CLSTN1: variants seen among roughly 807,000 people sequenced by gnomAD.
CLSTN1 encodes calsyntenin 1.
A neutral mutation model predicts 108.3 loss-of-function variants in CLSTN1; 28 were observed. That is an observed-to-expected ratio of 0.26 (90% CI 0.19 to 0.35). CLSTN1 has a LOEUF of 0.35. Among genes scored for constraint, CLSTN1 ranks in the 10% least tolerant of loss-of-function variants. The pLI is 1.00. For synonymous variants in CLSTN1, 524 were observed against 534.9 expected (o/e 0.98, Z 0.28); for missense variants, 1,157 against 1,302.6 (o/e 0.89, Z 1.72).
chr1:9,791,396 T>A (rs1375798170), intron 1 of CLSTN1, among the ~76,000 whole-genome samples: 1 of 151,160 alleles, frequency 6.6e-6, no homozygotes, highest in Non-Finnish European at 1.5e-5. Context: ...CATGTCCAGC[T>A]AGTTTTAAAA....
chr1:9,743,073 A>T (rs770421871), intron 9 of CLSTN1, among the ~76,000 whole-genome samples: 2 of 152,226 alleles, frequency 1.3e-5, no homozygotes, highest in Non-Finnish European at 2.9e-5. Flanking sequence ...AACATATGTC[A>T]GCTTTTGTCC....
At chr1:9,802,135 G>A (rs1420030311) in intron 1 of CLSTN1, among the ~76,000 whole-genome samples, 2 of 152,138 alleles carry the variant, frequency 1.3e-5, no homozygotes, top group East Asian at 1.9e-4. Flanking sequence ...CTAATGAGCC[G>A]CAGACTTGGG....
At chr1:9,800,940 A>AAAAGAAAT (rs1553182537) in intron 1 of CLSTN1, among the ~76,000 whole-genome samples, 2 of 151,556 alleles carry the variant, frequency 1.3e-5, no homozygotes, top group African/African-American at 4.8e-5. Context: ...CTCAGTCTCA[A>AAAAGAAAT]AAATAAATAA....
rs757633315 is a variant in CLSTN1 at position 9,734,108 on chromosome 1, G to T, written c.2145C>A (p.His715Gln). The T allele has an allele frequency of 1.2e-6, 2 of 1,614,008 alleles. No individual in the cohort carries two copies. The highest frequency in any genetic ancestry group is 2.7e-5 in the African/African-American group (2 of 74,926). The part of the protein sequence containing the change: ...QESLVSEEIV[H>Q]DLDTCEVTVE... ...CCGTGACCTCACAGGTATCCAGGTC[G>T]TGCACGATCTCCTCGGACACCAGTG... The change falls in exon 15 of 19, where the codon CAC becomes CAA. Residue 715 changes from histidine (H) to glutamine (Q), a missense_variant. By Grantham distance (24) the His-to-Gln change is conservative. Coordinates refer to ENST00000377298, the MANE Select transcript of CLSTN1 (RefSeq NM_001009566.3). The surrounding 1 kb of genome is among the most constrained non-coding windows in gnomAD (Gnocchi z 4.8).
chr1:9,730,705 T>C lies in CLSTN1; in HGVS notation c.2749A>G (p.Thr917Ala). 6.3e-7 allele frequency: 1 copy of C among 1,599,562 alleles called. No individual in the cohort carries two copies. Among genetic ancestry groups the C allele is most frequent in the South Asian group, 1.1e-5 (1 of 89,910 alleles). ...ALTITVNPME[T>A]YEDQHSSEEE... ...TCACTGCTGTGCTGGTCCTCATAGG[T>C]CTGGCAAGGAGAAGTGACGGCCACA... The change falls in exon 19 of 19, where the codon ACC (threonine) becomes GCC (alanine). Residue 917 changes from threonine (T) to alanine (A), a missense_variant and splice_region_variant. By Grantham distance (58) the Thr-to-Ala change is moderately conservative (BLOSUM62 0). Coordinates refer to ENST00000377298, the MANE Select transcript of CLSTN1 (RefSeq NM_001009566.3). The surrounding 1 kb of genome is among the most constrained non-coding windows in gnomAD (Gnocchi z 5.6).
chr1:9,730,553 G>T lies in CLSTN1; in HGVS notation c.2901C>A (p.Thr967=). 1 of 1,607,988 alleles carries T rather than the reference G, an allele frequency of 6.2e-7. No individual in the cohort carries two copies. Reference sequence around the variant, plus strand: ...CATCCCACTCCAGCTGCTGCTGCCGGGTTGCGTTCTGGGGGTCGCCCTGCT... The same window carrying T: ...CATCCCACTCCAGCTGCTGCTGCCGTGTTGCGTTCTGGGGGTCGCCCTGCT... ...EGEQGDPQNA[T]RQQQLEWDDS... The change falls in exon 19 of 19, where the codon ACC becomes ACA. Residue 967 remains threonine (T), a synonymous_variant. Coordinates refer to ENST00000377298, the MANE Select transcript of CLSTN1 (RefSeq NM_001009566.3). The surrounding 1 kb of genome is among the most constrained non-coding windows in gnomAD (Gnocchi z 5.6).
Position 9,730,843 on chromosome 1 carries a change from G to T in CLSTN1, c.2749-138C>A. 1 of 810,702 alleles carries T rather than the reference G, an allele frequency of 1.2e-6. No individual in the cohort carries two copies. The highest frequency in any genetic ancestry group is 2.0e-6 in the Non-Finnish European group (1 of 512,532). The allele number at this position is 810,702 out of a possible 1,614,324, so 50.2% of individuals were successfully genotyped here. On this transcript the variant is annotated intron_variant, in intron 18 of 18. Transcript: ENST00000377298. This position sits in a 1 kb window ranked among gnomAD's most constrained non-coding sequence, Gnocchi z 5.6. ...CCCCAGCGACAGAGCAGCCAGGACG[G>T]CACCGGAAGTTATATTAGAAGTGAA... is the stretch of plus-strand genomic sequence containing the variant.
At chr1:9,740,691 C>A (rs900119262) in intron 10 of CLSTN1, among the ~76,000 whole-genome samples, 1 of 152,194 alleles carries the variant, frequency 6.6e-6, no homozygotes, top group Non-Finnish European at 1.5e-5. Flanking sequence ...CTGGAAGAGT[C>A]CTCCAGGTCC....
At chr1:9,744,190 G>A (rs75296025) in intron 8 of CLSTN1, among the ~76,000 whole-genome samples, 185 bp from the exon 9 acceptor site, 3,336 of 152,286 alleles carry the variant, frequency 0.022, 140 homozygotes, top group African/African-American at 0.071. Context: ...TGTGATCACC[G>A]TGGACCCCAC....
chr1:9,753,345 C>A lies in CLSTN1; in HGVS notation c.441-1664G>T, dbSNP rs75291973. ...CTAACAGGCCACGGACCAGTACTGG[C>A]CCACGTCCTGAGGTATGGCGACCCC... is the stretch of plus-strand genomic sequence containing the variant. On this transcript the variant is annotated intron_variant, in intron 4 of 18. Coordinates refer to ENST00000377298, the MANE Select transcript of CLSTN1 (RefSeq NM_001009566.3). 4.3e-3 allele frequency among the ~76,000 whole-genome samples: 659 copies of A among 152,196 alleles called. 12 individuals carry two copies. The highest frequency in any genetic ancestry group is 0.043 in the East Asian group (223 of 5,174).
intron 2 of CLSTN1, among the ~76,000 whole-genome samples, chr1:9,772,908 G>T (rs909933918): frequency 3.3e-5 from 5 of 152,192 alleles, no homozygotes; most frequent in African/African-American, 1.2e-4. Context: ...GCAGTACCTA[G>T]GAGCAGGTGA....
At chr1:9,738,137 T>C (rs1650790055) in intron 10 of CLSTN1, among the ~76,000 whole-genome samples, 3 of 152,184 alleles carry the variant, frequency 2.0e-5, no homozygotes, top group Non-Finnish European at 4.4e-5. Flanking sequence ...TCAATCACTT[T>C]TTCTGAATGA....
At chr1:9,740,375 G>C (rs1398984530) in intron 10 of CLSTN1, among the ~76,000 whole-genome samples, 1 of 152,172 alleles carries the variant, frequency 6.6e-6, no homozygotes, top group Admixed American at 6.6e-5. Context: ...GCTTCTCAAA[G>C]TAAAAAAATT....
intron 1 of CLSTN1, among the ~76,000 whole-genome samples, chr1:9,787,410 T>TC (rs1222943585): frequency 6.7e-6 from 1 of 149,652 alleles, no homozygotes; most frequent in African/African-American, 2.4e-5. Flanking sequence ...TAATTTTTTT[T>TC]TTTTTTTTTT....
intron 11 of CLSTN1, among the ~76,000 whole-genome samples, chr1:9,737,123 A>G (rs1379747869): frequency 1.3e-5 from 2 of 152,136 alleles, no homozygotes; most frequent in African/African-American, 2.4e-5. Flanking sequence ...GTCAATCAGG[A>G]CAGAATATCT....
At chr1:9,770,266 A>G (rs1413577002) in intron 2 of CLSTN1, among the ~76,000 whole-genome samples, 1 of 152,052 alleles carries the variant, frequency 6.6e-6, no homozygotes, top group Admixed American at 6.6e-5. Context: ...GTACATCAGT[A>G]AAAAAAACCT....
At chr1:9,788,084 G>A (rs1376557857) in intron 1 of CLSTN1, among the ~76,000 whole-genome samples, 2 of 151,094 alleles carry the variant, frequency 1.3e-5, no homozygotes, top group African/African-American at 4.8e-5. Flanking sequence ...GCGAGACCCC[G>A]TCTCTACAAA....
At chr1:9,790,279 G>A (rs1187427244) in intron 1 of CLSTN1, among the ~76,000 whole-genome samples, 4 of 151,322 alleles carry the variant, frequency 2.6e-5, no homozygotes, top group South Asian at 2.2e-4. Flanking sequence ...GTAGGTTTTC[G>A]TAGATGTTAT....
chr1:9,769,760 T>C (rs527935003), intron 2 of CLSTN1, among the ~76,000 whole-genome samples: 94 of 152,202 alleles, frequency 6.2e-4, no homozygotes, highest in African/African-American at 2.1e-3. Context: ...GGTGATTTTT[T>C]GGCAGGGCGC....
Sources: gnomAD v4.1 joint callset for allele counts (sites outside exome capture counted in the v4.1 genomes callset) on GRCh38, gnomAD v4.1.1 for gene constraint, Gnocchi (gnomAD v3.1) non-coding constraint, MANE v1.5 for transcripts, NCBI Gene and HGNC (gene_info 2026-07-23, HGNC 2026-07-21) for gene names.